Variants in HEMK2 observed in about 807,000 individuals in gnomAD.
HEMK2 encodes methyltransferase HEMK2.
the HEMK2 span, among the ~76,000 whole-genome samples, chr21:28,844,806 CTT>C: frequency 6.6e-6 from 1 of 151,442 alleles, no homozygotes; most frequent in African/African-American, 2.4e-5. Context: ...TTATAACAAA[CTT>C]GAGAATCCTT....
At chr21:28,597,624 G>A in the HEMK2 span, among the ~76,000 whole-genome samples, 6 of 152,180 alleles carry the variant, frequency 3.9e-5, no homozygotes, top group African/African-American at 1.4e-4. Flanking sequence ...AAATCCTGAT[G>A]AGAAAGACAT....
chr21:28,868,512 G>C, the HEMK2 span, among the ~76,000 whole-genome samples: 2 of 151,864 alleles, frequency 1.3e-5, no homozygotes, highest in Non-Finnish European at 2.9e-5. Context: ...TGAGACCCCC[G>C]TCTCTACTAA....
the HEMK2 span, among the ~76,000 whole-genome samples, chr21:28,701,557 C>T: frequency 5.3e-5 from 2 of 37,860 alleles, no homozygotes; most frequent in South Asian, 1.2e-3. Context: ...CACACACACA[C>T]ATACACACAC....
the HEMK2 span, chr21:28,879,801 G>T: frequency 1.7e-6 from 2 of 1,176,660 alleles, no homozygotes; most frequent in South Asian, 1.6e-5. Context: ...GTCATAGGAT[G>T]ACATTCATTT....
chr21:28,769,526 T>G, the HEMK2 span, among the ~76,000 whole-genome samples: 8 of 152,132 alleles, frequency 5.3e-5, no homozygotes, highest in Admixed American at 6.6e-5. Context: ...ATGTAAATTT[T>G]CTAGGTTATT....
chr21:28,848,996 C>T, the HEMK2 span, among the ~76,000 whole-genome samples: 18 of 152,312 alleles, frequency 1.2e-4, no homozygotes, highest in African/African-American at 3.8e-4. Flanking sequence ...CCAGCTGACA[C>T]GCATACACCC....
chr21:28,706,786 C>T, the HEMK2 span, among the ~76,000 whole-genome samples: 1 of 152,062 alleles, frequency 6.6e-6, no homozygotes, highest in Non-Finnish European at 1.5e-5. Flanking sequence ...CTCTGAACCA[C>T]AAAAAAACTG....
At chr21:28,622,035 A>G in the HEMK2 span, among the ~76,000 whole-genome samples, 2 of 152,086 alleles carry the variant, frequency 1.3e-5, no homozygotes, top group African/African-American at 2.4e-5. Context: ...CTTGGTAAAT[A>G]TTCCTCCATC....
At chr21:28,623,626 C>T in the HEMK2 span, among the ~76,000 whole-genome samples, 2 of 152,184 alleles carry the variant, frequency 1.3e-5, no homozygotes, top group Admixed American at 6.5e-5. Context: ...AAATATAGCA[C>T]ATATACACCA....
chr21:28,664,305 T>C, the HEMK2 span, among the ~76,000 whole-genome samples: 1 of 152,212 alleles, frequency 6.6e-6, no homozygotes, highest in Admixed American at 6.5e-5. Context: ...TTTGGTACAA[T>C]TGAAACCATA....
the HEMK2 span, among the ~76,000 whole-genome samples, chr21:28,706,351 A>T: frequency 6.6e-6 from 1 of 152,168 alleles, no homozygotes; most frequent in African/African-American, 2.4e-5. Context: ...ACTCTATAAC[A>T]TCCTAGTTAT....
chr21:28,697,099 C>T, the HEMK2 span, among the ~76,000 whole-genome samples: 1 of 152,148 alleles, frequency 6.6e-6, no homozygotes, highest in Non-Finnish European at 1.5e-5. Context: ...TCCCTGTTGT[C>T]TTGGTTATTA....
chr21:28,788,195 T>G, the HEMK2 span, among the ~76,000 whole-genome samples: 1 of 149,176 alleles, frequency 6.7e-6, no homozygotes, highest in Non-Finnish European at 1.5e-5. Context: ...TATATACGTA[T>G]ATACGTATAT....
At chr21:28,611,196 G>C in the HEMK2 span, among the ~76,000 whole-genome samples, 1 of 152,020 alleles carries the variant, frequency 6.6e-6, no homozygotes, top group African/African-American at 2.4e-5. Flanking sequence ...ACTATAGCAA[G>C]TACTCTCTCA....
At chr21:28,619,721 C>T in the HEMK2 span, among the ~76,000 whole-genome samples, 1 of 152,166 alleles carries the variant, frequency 6.6e-6, no homozygotes, top group African/African-American at 2.4e-5. Context: ...TGATTCAGTG[C>T]TTTCCTTTCT....
chr21:28,620,660 CTTTTT>C, the HEMK2 span, among the ~76,000 whole-genome samples: 8 of 49,652 alleles, frequency 1.6e-4, no homozygotes, highest in East Asian at 7.5e-4. Context: ...TCTCTCTTTT[CTTTTT>C]TTTTTTTTTT....
At chr21:28,837,440 T>C in the HEMK2 span, among the ~76,000 whole-genome samples, 1 of 152,198 alleles carries the variant, frequency 6.6e-6, no homozygotes, top group Non-Finnish European at 1.5e-5. Flanking sequence ...TGCTCCTTAA[T>C]GAGCAATGGG....
chr21:28,637,192 T>G, the HEMK2 span, among the ~76,000 whole-genome samples: 4 of 152,194 alleles, frequency 2.6e-5, no homozygotes. Context: ...CACAATTTTG[T>G]GGGCAGAAAG....
the HEMK2 span, chr21:28,883,141 G>A: frequency 1.6e-5 from 17 of 1,036,190 alleles, no homozygotes; most frequent in East Asian, 3.3e-4. Flanking sequence ...TCTCATGCTA[G>A]TGTTATTTCT....
Sources: allele counts gnomAD v4.1 joint callset (sites outside exome capture counted in the v4.1 genomes callset), GRCh38; gene constraint gnomAD v4.1.1; transcripts MANE v1.5; gene names NCBI Gene and HGNC (gene_info 2026-07-23, HGNC 2026-07-21).